The following CDH13 variants were observed in gnomAD, a reference collection of about 807,000 sequenced individuals.
The protein encoded by CDH13 is cadherin-13.
In CDH13, 24 loss-of-function variants were observed where a neutral mutation model predicts 63.8. The observed-to-expected ratio is 0.38, with a 90% CI of 0.27 to 0.53. The LOEUF (loss-of-function observed/expected upper bound fraction) is 0.53. CDH13 is among the 20% of genes least tolerant of loss of function. The pLI, the probability that CDH13 is intolerant of heterozygous loss-of-function variation, is 0.85. For missense variants in CDH13, 1,049 were observed against 903.1 expected (o/e 1.16, Z -2.07); for synonymous variants, 503 against 355.3 (o/e 1.42, Z -4.67).
intron 3 of CDH13, among the ~76,000 whole-genome samples, chr16:83,069,108 C>G (rs1567799771): frequency 6.6e-6 from 1 of 152,182 alleles, no homozygotes; most frequent in South Asian, 2.1e-4. Flanking sequence ...CATAAAACAT[C>G]TAATTAAATT....
intron 3 of CDH13, among the ~76,000 whole-genome samples, chr16:83,118,547 C>T (rs1048472616): frequency 6.6e-6 from 1 of 152,210 alleles, no homozygotes; most frequent in African/African-American, 2.4e-5. Context: ...AGGCCATCCA[C>T]AGCCGAATTA....
Position 83,084,969 on chromosome 16 carries a change from T to C in CDH13, c.367-40416T>C, listed in dbSNP as rs183031348. Among the ~76,000 whole-genome samples, 3 of 152,334 alleles carry C rather than the reference T, an allele frequency of 2.0e-5. No homozygotes were observed. In the East Asian group the frequency reaches 5.8e-4, roughly 29 times the overall value. Reference sequence around the variant, plus strand: ...TCAGTGTAGGTGATGCTGGGTTTGGTTCAACTATTCAACAGTGCTATGAGA... The same window carrying C: ...TCAGTGTAGGTGATGCTGGGTTTGGCTCAACTATTCAACAGTGCTATGAGA... On this transcript the variant is annotated intron_variant, in intron 3 of 13. Coordinates refer to ENST00000567109, the MANE Select transcript of CDH13 (RefSeq NM_001257.5).
chr16:83,565,398 T>TTA (rs60254812), intron 7 of CDH13, among the ~76,000 whole-genome samples: 1 of 151,086 alleles, frequency 6.6e-6, no homozygotes, highest in African/African-American at 2.4e-5. Flanking sequence ...TTTTTTTTTT[T>TTA]CTTAGTTGCA....
At chr16:83,260,511 G>T (rs1379037870) in intron 5 of CDH13, among the ~76,000 whole-genome samples, 1 of 152,160 alleles carries the variant, frequency 6.6e-6, no homozygotes, top group Non-Finnish European at 1.5e-5. Flanking sequence ...TTGCTTTTTA[G>T]CTCAGTCTTC....
intron 1 of CDH13, among the ~76,000 whole-genome samples, chr16:82,849,848 G>A (rs563624237): frequency 6.6e-6 from 1 of 152,294 alleles, no homozygotes; most frequent in African/African-American, 2.4e-5. Context: ...GAACAACAAA[G>A]CCTGGATGAC....
chr16:83,206,783 G>C (rs1215140677), intron 4 of CDH13, among the ~76,000 whole-genome samples: 2 of 152,146 alleles, frequency 1.3e-5, no homozygotes, highest in African/African-American at 4.8e-5. Flanking sequence ...ATTTGACTTG[G>C]GGGGACCCAT....
At chr16:83,736,629 G>A (rs756727405) in intron 10 of CDH13, among the ~76,000 whole-genome samples, 14 of 151,760 alleles carry the variant, frequency 9.2e-5, no homozygotes, top group African/African-American at 2.2e-4. Flanking sequence ...CTGTATTCAC[G>A]TAGGTTTCAA....
At chr16:83,675,629 C>T (rs377265222) in intron 9 of CDH13, among the ~76,000 whole-genome samples, 6 of 152,138 alleles carry the variant, frequency 3.9e-5, no homozygotes, top group African/African-American at 7.2e-5. Context: ...TCATCCTGTC[C>T]GCTGATCTTT....
intron 11 of CDH13, among the ~76,000 whole-genome samples, chr16:83,750,730 C>A (rs550543728): frequency 6.6e-6 from 1 of 152,318 alleles, no homozygotes; most frequent in East Asian, 1.9e-4. Context: ...CTTCCAGCAG[C>A]TGGGGGAGAG....
chr16:83,014,812 ATT>A lies in CDH13; in HGVS notation c.158-17196_158-17195del, dbSNP rs1228123136. On this transcript the variant is annotated intron_variant, in intron 2 of 13. Coordinates refer to ENST00000567109, the MANE Select transcript of CDH13 (RefSeq NM_001257.5). Reference sequence around the variant, plus strand: ...TATTTGTATATATATATGTATATATATTTGTATATATATATTTGTATATATAT... The same window carrying A: ...TATTTGTATATATATATGTATATATATGTATATATATATTTGTATATATAT... Among the ~76,000 whole-genome samples, 13 of 80,210 alleles carry A rather than the reference ATT, an allele frequency of 1.6e-4. 1 individual carries two copies. Among genetic ancestry groups the A allele is most frequent in the Non-Finnish European group, 2.7e-4 (11 of 41,240 alleles). The allele number at this position is 80,210 out of a possible 152,430, so 52.6% of individuals were successfully genotyped here. A position where few individuals can be genotyped will look rare whatever the true frequency, so the allele number is the denominator to read the frequency against.
intron 1 of CDH13, among the ~76,000 whole-genome samples, chr16:82,712,667 C>G (rs1335111034): frequency 1.3e-5 from 2 of 152,180 alleles, no homozygotes; most frequent in Non-Finnish European, 2.9e-5. Context: ...TCCCCTGCCC[C>G]TTTTGTTTTC....
At chr16:82,968,700 C>G (rs1366860049) in intron 2 of CDH13, among the ~76,000 whole-genome samples, 1 of 152,174 alleles carries the variant, frequency 6.6e-6, no homozygotes, top group Non-Finnish European at 1.5e-5. Context: ...CTTGGCAGCT[C>G]TAGAAGCCCT....
chr16:82,857,115 C>G (rs1353575115), intron 1 of CDH13, among the ~76,000 whole-genome samples: 1 of 152,206 alleles, frequency 6.6e-6, no homozygotes, highest in African/African-American at 2.4e-5. Flanking sequence ...GGGTAGGACT[C>G]TGACAGAGTT....
chr16:83,370,281 G>C (rs977341643), intron 6 of CDH13, among the ~76,000 whole-genome samples: 1 of 151,752 alleles, frequency 6.6e-6, no homozygotes, highest in East Asian at 1.9e-4. Context: ...GCAGCTACTC[G>C]GGAGGCTGAG....
At chr16:82,932,036 G>A (rs990749940) in intron 2 of CDH13, among the ~76,000 whole-genome samples, 1 of 152,094 alleles carries the variant, frequency 6.6e-6, no homozygotes, top group Non-Finnish European at 1.5e-5. Flanking sequence ...ATAGCTTGTG[G>A]GGGGAAAATC....
chr16:83,389,938 C>G (rs1006402487), intron 6 of CDH13, among the ~76,000 whole-genome samples: 1 of 152,206 alleles, frequency 6.6e-6, no homozygotes, highest in Admixed American at 6.5e-5. Context: ...AACGCTTTAA[C>G]TAATGGGATC....
rs756642142 is a variant in CDH13, at chr16:82,764,472, G to A, written c.46-93890G>A. Among the ~76,000 whole-genome samples, 30 of 152,286 alleles carry A rather than the reference G, an allele frequency of 2.0e-4. 1 individual carries two copies. The highest frequency in any genetic ancestry group is 3.4e-3 in the Middle Eastern group (1 of 294). On this transcript the variant is annotated intron_variant, in intron 1 of 13. Coordinates refer to ENST00000567109, the MANE Select transcript of CDH13 (RefSeq NM_001257.5). Reference sequence around the variant, plus strand: ...AGAAGAGGGAAGAGGTTTAACCTGGGGGTGGGAGGGAAGCAGATAGATGTG... The same window carrying A: ...AGAAGAGGGAAGAGGTTTAACCTGGAGGTGGGAGGGAAGCAGATAGATGTG...
intron 2 of CDH13, among the ~76,000 whole-genome samples, chr16:82,938,530 C>G (rs990571932): frequency 1.3e-5 from 2 of 152,148 alleles, no homozygotes; most frequent in African/African-American, 2.4e-5. Context: ...TGGCACTGCC[C>G]AGCATCAGCA....
At chr16:83,383,711 T>C (rs1246683565) in intron 6 of CDH13, among the ~76,000 whole-genome samples, 1 of 152,236 alleles carries the variant, frequency 6.6e-6, no homozygotes, top group Non-Finnish European at 1.5e-5. Context: ...CTGGGGCTTT[T>C]GATAATTCCT....
Sources: allele counts gnomAD v4.1 joint callset (sites outside exome capture counted in the v4.1 genomes callset), GRCh38; gene constraint gnomAD v4.1.1; transcripts MANE v1.5; gene names NCBI Gene and HGNC (gene_info 2026-07-23, HGNC 2026-07-21).